Variants in ZDHHC11 observed in about 807,000 individuals in gnomAD.
ZDHHC11 encodes zDHHC palmitoyltransferase 11, also known as palmitoyltransferase ZDHHC11.
ZDHHC11 carries 44 observed loss-of-function variants against 51.3 expected under a neutral mutation model. The observed-to-expected ratio is 0.86, with a 90% CI of 0.67 to 1.10. The LOEUF is 1.10. Among genes scored for constraint, ZDHHC11 ranks in the 50% least tolerant of loss-of-function variants. ZDHHC11 has a pLI of 0.00. For synonymous variants in ZDHHC11, 163 were observed against 222.0 expected (o/e 0.73, Z 2.36); for missense variants, 400 against 537.7 (o/e 0.74, Z 2.53).
intron 12 of ZDHHC11, among the ~76,000 whole-genome samples, chr5:797,212 A>G (rs1737711937): frequency 7.0e-6 from 1 of 143,312 alleles, no homozygotes; most frequent in Non-Finnish European, 1.5e-5. Context: ...GTCTAAATAC[A>G]TATGTGTGTG....
At chr5:798,790 A>ATTTT (rs142996818) in intron 12 of ZDHHC11, among the ~76,000 whole-genome samples, 8,919 of 146,236 alleles carry the variant, frequency 0.061, 90 homozygotes, top group East Asian at 0.15. Context: ...AGTGGTGAAT[A>ATTTT]TTTTTTTTTT....
At chr5:799,062 C>T (rs1738028764) in intron 12 of ZDHHC11, among the ~76,000 whole-genome samples, 3 of 151,752 alleles carry the variant, frequency 2.0e-5, no homozygotes, top group Admixed American at 2.0e-4. Context: ...GACATCTGAC[C>T]CTTCCAAACC....
At chr5:800,046 C>CA (rs1738191463) in intron 12 of ZDHHC11, among the ~76,000 whole-genome samples, 1 of 151,332 alleles carries the variant, frequency 6.6e-6, no homozygotes. Context: ...CCCAGTTCTG[C>CA]AAAATTTTCA....
chr5:798,365 C>T (rs1376092393), intron 12 of ZDHHC11, among the ~76,000 whole-genome samples: 6 of 151,348 alleles, frequency 4.0e-5, no homozygotes, highest in African/African-American at 1.5e-4. Flanking sequence ...TCATTAATGC[C>T]TTTAAGAATA....
At chr5:857,675 A>C (rs1489541874) in intron 1 of ZDHHC11, among the ~76,000 whole-genome samples, 1 of 139,256 alleles carries the variant, frequency 7.2e-6, no homozygotes, top group African/African-American at 2.8e-5. Flanking sequence ...AGGCCCCTAG[A>C]GTCTGTCCAG....
intron 1 of ZDHHC11, among the ~76,000 whole-genome samples, chr5:857,952 T>C (rs968817633): frequency 2.4e-5 from 3 of 125,568 alleles, no homozygotes; most frequent in East Asian, 2.8e-4. Flanking sequence ...ACCAGGCCCC[T>C]AGAGTCTGTC....
chr5:819,414 A>C, intron 10 of ZDHHC11, 111 bp downstream of exon 10: 1 of 1,158,484 alleles, frequency 8.6e-7, no homozygotes, highest in Non-Finnish European at 1.3e-6. Context: ...ACCCTTGGAC[A>C]CAGAGTGCTT....
chr5:824,765 TATTTA>T (rs1263281295), intron 8 of ZDHHC11, among the ~76,000 whole-genome samples: 24 of 89,226 alleles, frequency 2.7e-4, no homozygotes, highest in African/African-American at 6.0e-4. Context: ...CTAAGCATTT[TATTTA>T]AAAAAAAAAA....
At chr5:823,364 C>T (rs1423589167) in intron 8 of ZDHHC11, 2 of 151,160 alleles carry the variant, frequency 1.3e-5, no homozygotes, top group Non-Finnish European at 3.0e-5. Context: ...ATTACAAACC[C>T]TTCCATGTCT....
chr5:846,516 A>C (rs1451903389), intron 3 of ZDHHC11, among the ~76,000 whole-genome samples: 2 of 143,272 alleles, frequency 1.4e-5, no homozygotes, highest in African/African-American at 2.7e-5. Flanking sequence ...CTCGTTCTTG[A>C]GCCTCCACCG....
At chr5:819,916 G>T (rs143407093) in intron 9 of ZDHHC11, among the ~76,000 whole-genome samples, 1 of 151,300 alleles carries the variant, frequency 6.6e-6, no homozygotes, top group Non-Finnish European at 1.5e-5. Context: ...AGTGTCCTCC[G>T]TTAGTGTAGC....
At chr5:803,089 C>G (rs1288242454) in intron 11 of ZDHHC11, among the ~76,000 whole-genome samples, 4 of 150,890 alleles carry the variant, frequency 2.7e-5, no homozygotes, top group Non-Finnish European at 5.9e-5. Context: ...AGCCAGCTAC[C>G]GCCTCGATTT....
intron 4 of ZDHHC11, chr5:840,930 T>G: frequency 8.0e-7 from 1 of 1,251,170 alleles, no homozygotes; most frequent in South Asian, 1.6e-5. Context: ...TCCTAAGTGC[T>G]GGGGTCACAG....
chr5:840,974 C>G, intron 4 of ZDHHC11: 3 of 1,328,776 alleles, frequency 2.3e-6, no homozygotes, highest in Middle Eastern at 2.9e-4. Context: ...GCCAGGGTCA[C>G]AGCGCCCACC....
At chr5:840,977 C>G in intron 4 of ZDHHC11, 1 of 1,295,700 alleles carries the variant, frequency 7.7e-7, no homozygotes, top group Non-Finnish European at 9.8e-7. Context: ...AGGGTCACAG[C>G]GCCCACCCCT....
At chr5:823,902 T>A in intron 8 of ZDHHC11, 1 of 369,788 alleles carries the variant, frequency 2.7e-6, no homozygotes, top group Admixed American at 3.2e-5. Context: ...GGTGGCTGAG[T>A]CTGGGCCAGG....
At chr5:841,841 C>T (rs370340) in intron 4 of ZDHHC11, 3 of 992,752 alleles carry the variant, frequency 3.0e-6, no homozygotes, top group Non-Finnish European at 3.6e-6. Flanking sequence ...ATGGATTCAG[C>T]ATGGATGTCT....
chr5:845,606 TC>T (rs1400705606), intron 3 of ZDHHC11, among the ~76,000 whole-genome samples: 3 of 152,176 alleles, frequency 2.0e-5, no homozygotes, highest in East Asian at 3.9e-4. Context: ...GTATGCAGCC[TC>T]CCTCACAGGG....
upstream of ZDHHC11, among the ~76,000 whole-genome samples, chr5:854,876 C>A (rs1335143600): frequency 6.8e-6 from 1 of 146,072 alleles, no homozygotes; most frequent in African/African-American, 2.6e-5. Flanking sequence ...GGACAGACCC[C>A]ATGGAGGATA....
Sources: gnomAD v4.1 joint callset for allele counts (sites outside exome capture counted in the v4.1 genomes callset) on GRCh38, gnomAD v4.1.1 for gene constraint, MANE v1.5 for transcripts, NCBI Gene and HGNC (gene_info 2026-07-23, HGNC 2026-07-21) for gene names.